CHD6: variants seen among roughly 807,000 people sequenced by gnomAD.
CHD6 encodes the protein ATP-dependent chromatin remodeler CHD6.
In CHD6, 50 loss-of-function variants were observed where a neutral mutation model predicts 276.9. That is an observed-to-expected ratio of 0.18 (90% CI 0.14 to 0.23). The LOEUF is 0.23. CHD6 is among the 10% of genes least tolerant of loss of function. CHD6 has a pLI of 1.00. For missense variants in CHD6, 2,564 were observed against 3,365.8 expected (o/e 0.76, Z 5.89); for synonymous variants, 1,173 against 1,229.3 (o/e 0.95, Z 0.96).
At chr20:41,605,104 G>A (rs1197229672) in intron 1 of CHD6, among the ~76,000 whole-genome samples, 2 of 152,072 alleles carry the variant, frequency 1.3e-5, no homozygotes, top group Non-Finnish European at 2.9e-5. Flanking sequence ...AAGCATTACT[G>A]TGTCTGTAAG....
chr20:41,514,467 G>A (rs900868306), intron 4 of CHD6, among the ~76,000 whole-genome samples: 21 of 152,066 alleles, frequency 1.4e-4, no homozygotes, highest in Non-Finnish European at 4.4e-5. Context: ...GGCTGGCCTG[G>A]CACTCTGAGC....
chr20:41,480,755 GAT>G (rs370346054), intron 16 of CHD6, among the ~76,000 whole-genome samples: 187 of 152,268 alleles, frequency 1.2e-3, no homozygotes, highest in African/African-American at 4.3e-3. Flanking sequence ...ATGCTTCTGG[GAT>G]ATGAGAAACT....
At chr20:41,529,947 G>C (rs1306073339) in intron 3 of CHD6, among the ~76,000 whole-genome samples, 1 of 152,164 alleles carries the variant, frequency 6.6e-6, no homozygotes, top group Non-Finnish European at 1.5e-5. Flanking sequence ...CCCAAGGACT[G>C]AAAAATACTG....
intron 2 of CHD6, among the ~76,000 whole-genome samples, chr20:41,550,746 T>C (rs1040121620): frequency 1.3e-5 from 2 of 152,172 alleles, no homozygotes; most frequent in Non-Finnish European, 2.9e-5. Context: ...TTGAATATGT[T>C]ATACTCATGG....
intron 5 of CHD6, among the ~76,000 whole-genome samples, chr20:41,509,050 C>A (rs527599357): frequency 1.3e-5 from 2 of 152,162 alleles, no homozygotes; most frequent in African/African-American, 4.8e-5. Flanking sequence ...GCAAAAATTA[C>A]AATAAATTAA....
At chr20:41,611,966 T>C (rs1300946361) in intron 1 of CHD6, among the ~76,000 whole-genome samples, 1 of 152,168 alleles carries the variant, frequency 6.6e-6, no homozygotes, top group Non-Finnish European at 1.5e-5. Flanking sequence ...TGCTCCAAAG[T>C]AATGCTGAAG....
At position 41,421,454 on chromosome 20, in the gene CHD6, A is replaced by G. The variant is rs757480003; in HGVS notation, c.5181T>C (p.Asn1727=). The change falls in exon 31 of 37, where the codon AAT becomes AAC. Residue 1727 remains asparagine, a synonymous_variant. Coordinates refer to ENST00000373233, the MANE Select transcript of CHD6 (RefSeq NM_032221.5). ...PSSFQESPST[N]TESRKDVITI... ...TAATAACATCTTTTCTAGATTCAGT[A>G]TTGGTACTTGGGCTCTCCTGAAAAG... The G allele has an allele frequency of 9.9e-6, 16 of 1,614,082 alleles. No homozygotes were observed. The Admixed American group carries it at 2.5e-4, about 25-fold the overall frequency.
chr20:41,416,060 G>A (rs887491769), intron 33 of CHD6, among the ~76,000 whole-genome samples: 2 of 152,162 alleles, frequency 1.3e-5, no homozygotes, highest in Non-Finnish European at 1.5e-5. Flanking sequence ...CCAATGTGCA[G>A]TTGAGCATGA....
chr20:41,522,937 C>T (rs970108016), intron 3 of CHD6, among the ~76,000 whole-genome samples: 1 of 152,040 alleles, frequency 6.6e-6, no homozygotes, highest in East Asian at 1.9e-4. Context: ...ATCTGGGAGT[C>T]CTTCCTTTAA....
chr20:41,538,282 C>T (rs950384207), intron 2 of CHD6, among the ~76,000 whole-genome samples: 4 of 152,010 alleles, frequency 2.6e-5, no homozygotes, highest in Admixed American at 6.6e-5. Context: ...ACTTGGGAGG[C>T]GGAGGTTGCA....
chr20:41,450,865 G>A, intron 23 of CHD6, 81 bp downstream of exon 23: 4 of 1,267,350 alleles, frequency 3.2e-6, no homozygotes, highest in Non-Finnish European at 4.5e-6. Context: ...AGAGCATGAA[G>A]TGCTCTCCCT....
chr20:41,459,732 C>T (rs6072377), intron 17 of CHD6, among the ~76,000 whole-genome samples: 153 of 152,314 alleles, frequency 1.0e-3, no homozygotes, highest in Non-Finnish European at 1.6e-3. Context: ...ACTGTAAGTC[C>T]AATTAAACCT....
intron 17 of CHD6, among the ~76,000 whole-genome samples, chr20:41,471,629 G>T (rs974660514): frequency 3.3e-5 from 5 of 151,840 alleles, no homozygotes; most frequent in Non-Finnish European, 7.4e-5. Context: ...TCCGCCTCGT[G>T]GGTTCATGCC....
chr20:41,476,859 T>TA (rs1184744021), intron 16 of CHD6, among the ~76,000 whole-genome samples: 1 of 151,858 alleles, frequency 6.6e-6, no homozygotes, highest in Admixed American at 6.6e-5. Context: ...TGTGTATATA[T>TA]AAACATGTAA....
chr20:41,566,192 C>G (rs1194405122), intron 1 of CHD6, among the ~76,000 whole-genome samples: 1 of 152,138 alleles, frequency 6.6e-6, no homozygotes, highest in Non-Finnish European at 1.5e-5. Context: ...TAATAGGCAG[C>G]CAGGTTGGAG....
intron 29 of CHD6, among the ~76,000 whole-genome samples, chr20:41,424,070 G>A (rs1274337919): frequency 7.5e-6 from 1 of 132,624 alleles, no homozygotes; most frequent in African/African-American, 3.0e-5. Flanking sequence ...TAAATATCTA[G>A]CCTTATTTTT....
intron 25 of CHD6, among the ~76,000 whole-genome samples, chr20:41,442,777 G>A (rs2047938683): frequency 6.6e-6 from 1 of 152,168 alleles, no homozygotes; most frequent in South Asian, 2.1e-4. Flanking sequence ...CTAAGCCTAA[G>A]CTCATGGAAT....
intron 36 of CHD6, among the ~76,000 whole-genome samples, chr20:41,406,479 G>A (rs76706598): frequency 0.013 from 2,000 of 152,260 alleles, 21 homozygotes; most frequent in South Asian, 0.035. Flanking sequence ...CAGCATCAGC[G>A]AGCGGAAGGC....
intron 17 of CHD6, among the ~76,000 whole-genome samples, chr20:41,458,719 A>C (rs549848330): frequency 6.6e-6 from 1 of 152,172 alleles, no homozygotes; most frequent in Admixed American, 6.5e-5. Context: ...CCTCTTGTAC[A>C]TTTCCTGTCC....
Sources: gnomAD v4.1 joint callset for allele counts (sites outside exome capture counted in the v4.1 genomes callset) on GRCh38, gnomAD v4.1.1 for gene constraint, MANE v1.5 for transcripts, NCBI Gene and HGNC (gene_info 2026-07-23, HGNC 2026-07-21) for gene names.